The following C17orf67 variants were observed in gnomAD, a reference collection of about 807,000 sequenced individuals.
C17orf67 encodes the protein uncharacterized protein C17orf67.
C17orf67 carries 12 observed loss-of-function variants against 11.2 expected under a neutral mutation model. The observed-to-expected ratio is 1.07, with a 90% confidence interval of 0.68 to 1.73. The LOEUF is 1.73. Ranked by LOEUF, C17orf67 falls within the 40% of genes most tolerant of loss-of-function variation. The probability of loss-of-function intolerance (pLI) is 0.00; values close to 1 mark genes in which losing one functional copy is unlikely to be tolerated. For synonymous variants in C17orf67, 59 were observed against 46.9 expected, an observed-to-expected ratio of 1.26 and a Z score of -1.05; for missense variants, 115 against 113.5, an observed-to-expected ratio of 1.01 and a Z score of -0.06.
At chr17:56,814,459 C>G (rs1905705482) in intron 6 of C17orf67, among the ~76,000 whole-genome samples, 1 of 152,144 alleles carries the variant, frequency 6.6e-6, no homozygotes, top group Non-Finnish European at 1.5e-5. Flanking sequence ...GCAGCTGGGG[C>G]AGAGATTCTC....
At chr17:56,822,971 C>T (rs2144145789) in intron 4 of C17orf67, among the ~76,000 whole-genome samples, 1 of 152,310 alleles carries the variant, frequency 6.6e-6, no homozygotes, top group South Asian at 2.1e-4. Context: ...ACTATGTCTG[C>T]CCAGCAGGTG....
chr17:56,815,065 T>C, intron 5 of C17orf67, 96 bp from the exon 6 acceptor site: 1 of 1,066,662 alleles, frequency 9.4e-7, no homozygotes, highest in African/African-American at 1.6e-5. Context: ...AGTTCAATTT[T>C]GGTTAAAACA....
intron 2 of C17orf67, among the ~76,000 whole-genome samples, chr17:56,827,507 G>T (rs1906069864): frequency 6.6e-6 from 1 of 152,240 alleles, no homozygotes; most frequent in African/African-American, 2.4e-5. Context: ...CCAGGGCAAG[G>T]TTCTCAGAGA....
intron 4 of C17orf67, among the ~76,000 whole-genome samples, chr17:56,820,767 CTTTTT>C (rs746734939): frequency 2.4e-5 from 3 of 122,512 alleles, no homozygotes; most frequent in African/African-American, 9.3e-5. Context: ...GTGAGTTTCC[CTTTTT>C]TTTTTTTTTT....
chr17:56,820,101 T>C (rs1294911785), intron 4 of C17orf67, among the ~76,000 whole-genome samples: 1 of 152,212 alleles, frequency 6.6e-6, no homozygotes, highest in African/African-American at 2.4e-5. Context: ...TGATAAATTC[T>C]TGGAAACTGA....
intron 4 of C17orf67, among the ~76,000 whole-genome samples, chr17:56,819,937 C>T (rs1905858212): frequency 6.6e-6 from 1 of 152,172 alleles, no homozygotes; most frequent in African/African-American, 2.4e-5. Flanking sequence ...AAGTTGCCAG[C>T]GATTCCAGAG....
intron 2 of C17orf67, among the ~76,000 whole-genome samples, chr17:56,827,269 T>C (rs1031432442): frequency 1.3e-5 from 2 of 152,252 alleles, no homozygotes; most frequent in African/African-American, 4.8e-5. Flanking sequence ...GTAGATTTTA[T>C]TTACAAATTT....
intron 2 of C17orf67, among the ~76,000 whole-genome samples, chr17:56,832,235 A>T (rs1402424175): frequency 6.6e-6 from 1 of 152,108 alleles, no homozygotes; most frequent in African/African-American, 2.4e-5. Flanking sequence ...CGTGAGCCAC[A>T]GCGCCCGGCC....
At chr17:56,818,488 A>ACACTC (rs1323583963) in intron 4 of C17orf67, among the ~76,000 whole-genome samples, 2 of 152,176 alleles carry the variant, frequency 1.3e-5, no homozygotes, top group Non-Finnish European at 1.5e-5. Flanking sequence ...TTATGCCACT[A>ACACTC]CACTCAAGTC....
rs1906134401 is a variant in C17orf67, at chr17:56,829,496, T to C, written c.-557+3402A>G. 2.0e-5 allele frequency among the ~76,000 whole-genome samples: 3 copies of C among 152,142 alleles called. No homozygotes were observed. In the South Asian group the frequency reaches 6.2e-4, roughly 32 times the overall value. ...AGCCAGGCAGCCAAGAGCCAAGCCC[T>C]GCTGCTCCCTTCCCCAGGAGGGCTT... On this transcript the variant is annotated intron_variant, in intron 2 of 7. Coordinates refer to ENST00000397861, the MANE Select transcript of C17orf67 (RefSeq NM_001085430.4).
At chr17:56,819,121 T>C (rs771186912) in intron 4 of C17orf67, among the ~76,000 whole-genome samples, 3 of 152,222 alleles carry the variant, frequency 2.0e-5, no homozygotes, top group Non-Finnish European at 2.9e-5. Flanking sequence ...CAGGACCCTG[T>C]GTTTTTTGTG....
chr17:56,827,879 G>A (rs1906080724), intron 2 of C17orf67, among the ~76,000 whole-genome samples: 1 of 152,180 alleles, frequency 6.6e-6, no homozygotes, highest in African/African-American at 2.4e-5. Context: ...TCAGACTGTG[G>A]TTTTCGAACC....
intron 6 of C17orf67, among the ~76,000 whole-genome samples, chr17:56,798,601 G>A (rs1330584372): frequency 1.3e-5 from 2 of 152,098 alleles, no homozygotes; most frequent in East Asian, 1.9e-4. Context: ...GCTGAGGTGG[G>A]CAGATCACTC....
At chr17:56,815,588 A>C (rs1905739941) in intron 5 of C17orf67, among the ~76,000 whole-genome samples, 168 bp downstream of exon 5, 1 of 152,148 alleles carries the variant, frequency 6.6e-6, no homozygotes, top group African/African-American at 2.4e-5. Flanking sequence ...TAACATCTTT[A>C]ATGATAAAAA....
chr17:56,819,403 AT>A (rs1905843593), intron 4 of C17orf67, among the ~76,000 whole-genome samples: 1 of 152,152 alleles, frequency 6.6e-6, no homozygotes, highest in Non-Finnish European at 1.5e-5. Context: ...ACTCACCATA[AT>A]TTATACGTAT....
chr17:56,830,206 G>A (rs922362727), intron 2 of C17orf67, among the ~76,000 whole-genome samples: 13 of 151,982 alleles, frequency 8.6e-5, no homozygotes, highest in Non-Finnish European at 1.3e-4. Flanking sequence ...TTAGCCGGGC[G>A]TGGTGGCGGG....
At chr17:56,807,364 G>A (rs552704538) in intron 6 of C17orf67, among the ~76,000 whole-genome samples, 1 of 152,318 alleles carries the variant, frequency 6.6e-6, no homozygotes, top group South Asian at 2.1e-4. Context: ...CAGGAGCAGA[G>A]ATGGACCACC....
At chr17:56,814,252 A>C (rs1030371262) in intron 6 of C17orf67, among the ~76,000 whole-genome samples, 2 of 152,178 alleles carry the variant, frequency 1.3e-5, no homozygotes, top group African/African-American at 2.4e-5. Context: ...CACCAAAGTC[A>C]GTATCATTTT....
intron 4 of C17orf67, among the ~76,000 whole-genome samples, chr17:56,818,659 T>A (rs1340560697): frequency 2.0e-5 from 3 of 152,208 alleles, no homozygotes; most frequent in Non-Finnish European, 2.9e-5. Context: ...AGTAAAAAGG[T>A]TAAATATTTT....
Sources: allele counts gnomAD v4.1 joint callset (sites outside exome capture counted in the v4.1 genomes callset), GRCh38; gene constraint gnomAD v4.1.1; transcripts MANE v1.5; gene names NCBI Gene and HGNC (gene_info 2026-07-23, HGNC 2026-07-21).